The following MAP2 variants were observed in gnomAD, a reference collection of about 807,000 sequenced individuals.
The protein encoded by MAP2 is microtubule associated protein 2, also known as microtubule-associated protein 2.
A neutral mutation model predicts 137.6 loss-of-function variants in MAP2; 14 were observed. The ratio of observed to expected loss-of-function variants is 0.10; its 90% CI spans 0.07 to 0.16. The LOEUF (loss-of-function observed/expected upper bound fraction) is 0.16. Ranked by LOEUF, MAP2 falls within the 10% of genes least tolerant of loss-of-function variation. The pLI, the probability that MAP2 is intolerant of heterozygous loss-of-function variation, is 1.00. For missense variants in MAP2, 2,088 were observed against 2,191.5 expected (o/e 0.95, Z 0.94); for synonymous variants, 786 against 782.3 (o/e 1.00, Z -0.08).
chr2:209,530,842 A>T (rs1471868624), intron 2 of MAP2, among the ~76,000 whole-genome samples: 1 of 152,078 alleles, frequency 6.6e-6, no homozygotes, highest in Non-Finnish European at 1.5e-5. Flanking sequence ...TTGAATTTTG[A>T]CCCATGTCTG....
intron 1 of MAP2, among the ~76,000 whole-genome samples, chr2:209,449,125 G>C (rs1699771318): frequency 6.6e-6 from 1 of 152,142 alleles, no homozygotes; most frequent in Non-Finnish European, 1.5e-5. Context: ...GAGCTTCCAA[G>C]TTCAGCACCT....
At chr2:209,453,336 G>A (rs957746206) in intron 1 of MAP2, among the ~76,000 whole-genome samples, 3 of 151,956 alleles carry the variant, frequency 2.0e-5, no homozygotes, top group Admixed American at 2.0e-4. Flanking sequence ...GTAACGGTTT[G>A]GCATTTTGCT....
At chr2:209,494,145 A>G (rs923107547) in intron 1 of MAP2, among the ~76,000 whole-genome samples, 1 of 152,072 alleles carries the variant, frequency 6.6e-6, no homozygotes, top group Admixed American at 6.5e-5. Flanking sequence ...GTCATGGATA[A>G]AGCTGGAAAC....
At chr2:209,548,096 A>G (rs1213201995) in intron 2 of MAP2, among the ~76,000 whole-genome samples, 2 of 152,210 alleles carry the variant, frequency 1.3e-5, no homozygotes, top group South Asian at 2.1e-4. Context: ...AAGTGTCCTG[A>G]TTGCTTCAGT....
intron 4 of MAP2, among the ~76,000 whole-genome samples, chr2:209,645,188 TC>T (rs1418938249): frequency 1.3e-5 from 2 of 152,228 alleles, no homozygotes; most frequent in Non-Finnish European, 2.9e-5. Context: ...ATTATTTTTT[TC>T]CATGTGCAAT....
chr2:209,624,529 T>G (rs1384985865), intron 3 of MAP2, among the ~76,000 whole-genome samples: 1 of 152,174 alleles, frequency 6.6e-6, no homozygotes, highest in African/African-American at 2.4e-5. Flanking sequence ...TAATCCAGAA[T>G]GACATTTAGG....
At chr2:209,645,206 G>A (rs2094337200) in intron 4 of MAP2, among the ~76,000 whole-genome samples, 1 of 152,088 alleles carries the variant, frequency 6.6e-6, no homozygotes, top group African/African-American at 2.4e-5. Context: ...CAATATTCAG[G>A]CAATGCAATA....
chr2:209,631,572 CAA>C (rs79835063), intron 4 of MAP2, among the ~76,000 whole-genome samples: 11 of 127,178 alleles, frequency 8.6e-5, no homozygotes, highest in Non-Finnish European at 8.5e-5. Flanking sequence ...CTGTTGTTGG[CAA>C]AAAAAAAAAA....
intron 2 of MAP2, among the ~76,000 whole-genome samples, chr2:209,563,728 G>A (rs1374940414): frequency 3.9e-5 from 6 of 152,172 alleles, no homozygotes; most frequent in Admixed American, 3.9e-4. Context: ...TCCTCATAGA[G>A]GTTTTGGTCT....
chr2:209,564,260 G>A (rs1171487965), intron 2 of MAP2, among the ~76,000 whole-genome samples: 1 of 152,106 alleles, frequency 6.6e-6, no homozygotes, highest in Non-Finnish European at 1.5e-5. Context: ...TGTTCTCAGT[G>A]CAAATTCATA....
chr2:209,638,897 A>G (rs1029510372), intron 4 of MAP2, among the ~76,000 whole-genome samples: 6 of 152,206 alleles, frequency 3.9e-5, no homozygotes, highest in African/African-American at 1.4e-4. Flanking sequence ...TGATCATTGA[A>G]TAAGATACTA....
At chr2:209,614,983 C>T (rs2088650588) in intron 3 of MAP2, among the ~76,000 whole-genome samples, 1 of 152,154 alleles carries the variant, frequency 6.6e-6, no homozygotes, top group Non-Finnish European at 1.5e-5. Context: ...TTTCATTTTT[C>T]TGCTCAGATG....
At chr2:209,541,586 A>T (rs762987163) in intron 2 of MAP2, among the ~76,000 whole-genome samples, 1 of 152,064 alleles carries the variant, frequency 6.6e-6, no homozygotes, top group African/African-American at 2.4e-5. Context: ...AATCCACTCA[A>T]ACCTTGCCTC....
chr2:209,649,562 G>A (rs1663380280), intron 4 of MAP2, among the ~76,000 whole-genome samples: 1 of 152,020 alleles, frequency 6.6e-6, no homozygotes, highest in South Asian at 2.1e-4. Flanking sequence ...GCCAAATAGT[G>A]TCTCCTTTTG....
chr2:209,628,239 C>T (rs2092611102), intron 4 of MAP2, among the ~76,000 whole-genome samples: 3 of 152,120 alleles, frequency 2.0e-5, no homozygotes, highest in Admixed American at 1.3e-4. Context: ...GTGGCACGTG[C>T]CTGTAATCCC....
intron 2 of MAP2, among the ~76,000 whole-genome samples, chr2:209,556,772 T>C (rs1435470400): frequency 4.0e-5 from 6 of 151,850 alleles, no homozygotes; most frequent in Non-Finnish European, 8.8e-5. Flanking sequence ...GACAATGGCA[T>C]ATTAAACCCA....
chr2:209,439,068 A>ATGAACAGT (rs1414669769), intron 1 of MAP2, among the ~76,000 whole-genome samples: 2 of 151,496 alleles, frequency 1.3e-5, no homozygotes, highest in Admixed American at 1.3e-4. Flanking sequence ...GAAGTTATAC[A>ATGAACAGT]TGAACAGTGT....
chr2:209,518,941 T>G (rs753345634), intron 2 of MAP2, among the ~76,000 whole-genome samples: 4 of 152,078 alleles, frequency 2.6e-5, no homozygotes, highest in Non-Finnish European at 5.9e-5. Context: ...ATTAACTACT[T>G]TATCTCCTTA....
chr2:209,587,402 G>C (rs998921032), intron 3 of MAP2, among the ~76,000 whole-genome samples: 5 of 152,048 alleles, frequency 3.3e-5, no homozygotes, highest in African/African-American at 9.7e-5. Context: ...ATCTCTTTGT[G>C]GTGGACTGTT....
Sources: gnomAD v4.1 joint callset for allele counts (sites outside exome capture counted in the v4.1 genomes callset) on GRCh38, gnomAD v4.1.1 for gene constraint, MANE v1.5 for transcripts, NCBI Gene and HGNC (gene_info 2026-07-23, HGNC 2026-07-21) for gene names.